The following SPATA31H1 variants were observed in gnomAD, a reference collection of about 807,000 sequenced individuals.
SPATA31H1 encodes the protein spermatogenesis-associated protein 31H1.
At chr2:27,566,773 A>G in the SPATA31H1 span, 1 of 716,088 alleles carries the variant, frequency 1.4e-6, no homozygotes, top group Admixed American at 2.0e-5. Context: ...GAATCACAGG[A>G]TATGATTTCT....
chr2:27,581,471 C>G, the SPATA31H1 span: 2 of 1,613,982 alleles, frequency 1.2e-6, no homozygotes, highest in Non-Finnish European at 1.7e-6. Flanking sequence ...TTCACAGTCC[C>G]TCTCAGAGGA....
chr2:27,542,194 C>T, the SPATA31H1 span, among the ~76,000 whole-genome samples: 24 of 151,870 alleles, frequency 1.6e-4, no homozygotes, highest in Non-Finnish European at 7.4e-5. Context: ...GTCAGGAGTT[C>T]GAGACCAGCC....
chr2:27,552,104 G>A, the SPATA31H1 span, among the ~76,000 whole-genome samples: 14 of 152,104 alleles, frequency 9.2e-5, no homozygotes, highest in East Asian at 1.5e-3. Flanking sequence ...GTGAGCCACC[G>A]TGCCCAGCCC....
the SPATA31H1 span, among the ~76,000 whole-genome samples, chr2:27,555,708 CTT>C: frequency 1.3e-5 from 2 of 152,054 alleles, no homozygotes; most frequent in East Asian, 3.9e-4. Context: ...TAGGTAGGCA[CTT>C]AGTCTCTTTT....
the SPATA31H1 span, chr2:27,573,180 G>A: frequency 2.5e-6 from 1 of 398,424 alleles, no homozygotes; most frequent in Non-Finnish European, 4.4e-6. Context: ...AAAACCTGTG[G>A]AGTTTAACTT....
At chr2:27,538,919 T>C in the SPATA31H1 span, among the ~76,000 whole-genome samples, 1 of 151,952 alleles carries the variant, frequency 6.6e-6, no homozygotes, top group Non-Finnish European at 1.5e-5. Context: ...TGTGCACTAT[T>C]GATACAGCAG....
At chr2:27,561,381 G>A in the SPATA31H1 span, among the ~76,000 whole-genome samples, 1 of 152,180 alleles carries the variant, frequency 6.6e-6, no homozygotes, top group Admixed American at 6.5e-5. Flanking sequence ...GGTGTATAAT[G>A]TGATGGTTTG....
chr2:27,581,399 G>C, the SPATA31H1 span: 5 of 1,612,640 alleles, frequency 3.1e-6, no homozygotes, highest in Non-Finnish European at 4.2e-6. Flanking sequence ...GGCGCAGTCC[G>C]TCTCAGAGAA....
the SPATA31H1 span, chr2:27,575,837 T>C: frequency 7.2e-4 from 285 of 398,556 alleles, 1 homozygote; most frequent in African/African-American, 5.5e-3. This position sits in a 1 kb window ranked among gnomAD's most constrained non-coding sequence, Gnocchi z 4.1. Context: ...GTGTAAATTC[T>C]ATTGGGTGCA....
chr2:27,561,166 A>T, the SPATA31H1 span, among the ~76,000 whole-genome samples: 2 of 152,130 alleles, frequency 1.3e-5, no homozygotes, highest in South Asian at 4.1e-4. Context: ...CCCTGTCCCT[A>T]CGAAAAATAC....
chr2:27,568,891 A>G, the SPATA31H1 span: 1 of 399,048 alleles, frequency 2.5e-6, no homozygotes, highest in South Asian at 1.3e-4. Context: ...CAAAATCATG[A>G]AGCCACAGAG....
At chr2:27,580,641 C>T in the SPATA31H1 span, 1 of 1,614,184 alleles carries the variant, frequency 6.2e-7, no homozygotes, top group Non-Finnish European at 8.5e-7. Context: ...TTTTCAGAGC[C>T]TAAAGCGGGC....
At chr2:27,580,929 C>T in the SPATA31H1 span, 3 of 1,614,192 alleles carry the variant, frequency 1.9e-6, no homozygotes, top group East Asian at 2.2e-5. Context: ...CAGACCTCTT[C>T]GACTGCCCAA....
the SPATA31H1 span, chr2:27,582,302 C>T: frequency 6.2e-7 from 1 of 1,614,200 alleles, no homozygotes; most frequent in South Asian, 1.1e-5. Flanking sequence ...GAACCCGTCA[C>T]AGTCCCTCTG....
the SPATA31H1 span, chr2:27,577,959 A>T: frequency 6.2e-7 from 1 of 1,614,182 alleles, no homozygotes; most frequent in Non-Finnish European, 8.5e-7. The surrounding 1 kb of genome is among the most constrained non-coding windows in gnomAD (Gnocchi z 4.5). Flanking sequence ...ATCTCCAGGG[A>T]CAACCCCAGG....
chr2:27,564,698 G>A, the SPATA31H1 span, among the ~76,000 whole-genome samples: 2 of 151,958 alleles, frequency 1.3e-5, no homozygotes, highest in Non-Finnish European at 1.5e-5. Context: ...AGCTACTCAG[G>A]AGGCTGAGGA....
the SPATA31H1 span, chr2:27,576,830 A>T: frequency 2.5e-6 from 4 of 1,614,154 alleles, no homozygotes; most frequent in Non-Finnish European, 3.4e-6. Context: ...CTCTGCAGCA[A>T]ACTATAAAAT....
chr2:27,581,049 A>C, the SPATA31H1 span: 1 of 1,614,144 alleles, frequency 6.2e-7, no homozygotes, highest in Middle Eastern at 1.6e-4. Context: ...CTTCTATAGA[A>C]ATGAAACCTC....
the SPATA31H1 span, among the ~76,000 whole-genome samples, chr2:27,540,180 C>T: frequency 4.6e-4 from 44 of 94,750 alleles, no homozygotes; most frequent in Middle Eastern, 0.013. Context: ...GGCGGCTGGC[C>T]GGGCAGAGGG....
Sources: allele counts gnomAD v4.1 joint callset (sites outside exome capture counted in the v4.1 genomes callset), GRCh38; gene constraint gnomAD v4.1.1; non-coding constraint Gnocchi (gnomAD v3.1); transcripts MANE v1.5; gene names NCBI Gene and HGNC (gene_info 2026-07-23, HGNC 2026-07-21).